ALDH1L2: variants seen among roughly 807,000 people sequenced by gnomAD.
ALDH1L2 encodes aldehyde dehydrogenase 1 family member L2.
In ALDH1L2, 91 loss-of-function variants were observed where a neutral mutation model predicts 111.0. The observed-to-expected ratio is 0.82, with a 90% CI of 0.69 to 0.98. ALDH1L2 has a LOEUF of 0.98. Ranked by LOEUF, ALDH1L2 falls within the 50% of genes least tolerant of loss-of-function variation. ALDH1L2 has a pLI of 0.00. For synonymous variants in ALDH1L2, 374 were observed against 392.6 expected, an observed-to-expected ratio of 0.95 and a Z score of 0.56; for missense variants, 995 against 1,126.8, an observed-to-expected ratio of 0.88 and a Z score of 1.67.
intron 6 of ALDH1L2, 70 bp downstream of exon 6, chr12:105,065,195 ATT>A (rs1165245575): frequency 3.3e-6 from 3 of 898,788 alleles, no homozygotes; most frequent in Non-Finnish European, 5.0e-6. Context: ...GGAAGCCCAG[ATT>A]TATCTGTAAT....
rs528651924 is a variant in ALDH1L2 at position 105,049,699 on chromosome 12, G to C, written c.1686+209C>G. ...TGACACCTTTATCTTAGACTTCCCGGCCTCCAGAACTGTAAGAGAATAAAT... is the reference window on the plus strand; with the variant it reads ...TGACACCTTTATCTTAGACTTCCCGCCCTCCAGAACTGTAAGAGAATAAAT... On this transcript the variant is annotated intron_variant, in intron 13 of 22. Transcript: ENST00000258494. 61 of 481,818 alleles carry C rather than the reference G, an allele frequency of 1.3e-4. No individual in the cohort carries two copies. The South Asian group carries it at 2.3e-3, about 18-fold the overall frequency. 29.8% of individuals were successfully genotyped at this position (481,818 alleles called of 1,614,324 possible).
chr12:105,026,309 A>G (rs1420753379), intron 22 of ALDH1L2, among the ~76,000 whole-genome samples: 1 of 152,186 alleles, frequency 6.6e-6, no homozygotes, highest in East Asian at 1.9e-4. Flanking sequence ...TTCCTTTCAA[A>G]CATTAATCTT....
rs1391872065 is a variant in ALDH1L2 at position 105,024,092 on chromosome 12, C to T, written c.*332G>A. 8.6e-6 allele frequency: 3 copies of T among 346,894 alleles called. No homozygotes were observed. Among genetic ancestry groups the T allele is most frequent in the Non-Finnish European group, 1.6e-5 (3 of 190,518 alleles). The allele number at this position is 346,894 out of a possible 1,614,324, so 21.5% of individuals were successfully genotyped here. On this transcript the variant is annotated 3_prime_UTR_variant, in exon 23 of 23. Coordinates refer to ENST00000258494, the MANE Select transcript of ALDH1L2 (RefSeq NM_001034173.4). ...TATACAAAGTTTCCAATAAATGCAC[C>T]TTGTGTATTATAACTGCATGGTACT... is the stretch of plus-strand genomic sequence containing the variant.
Position 105,072,002 on chromosome 12 carries a change from C to G in ALDH1L2, c.194-1198G>C, listed in dbSNP as rs1311727203. Reference sequence around the variant, plus strand: ...TAATCCTAGCTACTTAGGAGGATCACTTGAGCCCAGGTGTTCCAGGTTGCA... The same window carrying G: ...TAATCCTAGCTACTTAGGAGGATCAGTTGAGCCCAGGTGTTCCAGGTTGCA... On this transcript the variant is annotated intron_variant, in intron 2 of 22. Coordinates refer to ENST00000258494, the MANE Select transcript of ALDH1L2 (RefSeq NM_001034173.4). Among the ~76,000 whole-genome samples, 5 of 151,442 alleles carry G rather than the reference C, an allele frequency of 3.3e-5. No homozygotes were observed. The South Asian group carries it at 1.0e-3, about 31-fold the overall frequency.
At chr12:105,068,927 A>G (rs1272454722) in intron 3 of ALDH1L2, 43 bp from the exon 4 acceptor site, 1 of 1,413,920 alleles carries the variant, frequency 7.1e-7, no homozygotes, top group Non-Finnish European at 9.4e-7. Flanking sequence ...GGTTAACTGT[A>G]TCATAAAGTG....
chr12:105,046,151 C>T (rs1165607639), intron 15 of ALDH1L2, among the ~76,000 whole-genome samples: 1 of 17,302 alleles, frequency 5.8e-5, no homozygotes, highest in South Asian at 2.2e-3. Context: ...TCTACATCTT[C>T]TCTCTCTCTC....
intron 18 of ALDH1L2, among the ~76,000 whole-genome samples, chr12:105,035,363 G>A (rs12581542): frequency 0.23 from 34,446 of 151,654 alleles, 5,393 homozygotes; most frequent in East Asian, 0.5. Flanking sequence ...TCTCTCTGTC[G>A]CCCAGGCTGG....
chr12:105,036,812 C>T (rs938822309), intron 18 of ALDH1L2, among the ~76,000 whole-genome samples: 1 of 151,776 alleles, frequency 6.6e-6, no homozygotes, highest in East Asian at 1.9e-4. Context: ...ATGGTTAAAA[C>T]AGACTCTTTA....
In ALDH1L2 at chr12:105,082,992, G is replaced by C. The variant is rs911333479; in HGVS notation, c.48+1397C>G. On this transcript the variant is annotated intron_variant, in intron 1 of 22. Transcript: ENST00000258494. ...TCACTGCTTTTCCATATGCACCCCTGCGTACAGTTAGACCCTGATCACGCC... is the reference window on the plus strand; with the variant it reads ...TCACTGCTTTTCCATATGCACCCCTCCGTACAGTTAGACCCTGATCACGCC... 5.3e-5 allele frequency among the ~76,000 whole-genome samples: 8 copies of C among 152,298 alleles called. No individual in the cohort carries two copies. In the East Asian group the frequency reaches 1.5e-3, roughly 29 times the overall value.
chr12:105,071,889 C>T (rs978256412), intron 2 of ALDH1L2, among the ~76,000 whole-genome samples: 7 of 148,878 alleles, frequency 4.7e-5, no homozygotes, highest in Non-Finnish European at 8.9e-5. Context: ...GAGTTTGAGA[C>T]CAGCGTGGAC....
chr12:105,080,035 T>C (rs1592814864), intron 1 of ALDH1L2, among the ~76,000 whole-genome samples: 1 of 152,262 alleles, frequency 6.6e-6, no homozygotes, highest in African/African-American at 2.4e-5. Flanking sequence ...TATTTGTTCA[T>C]GTCCCTATTG....
intron 8 of ALDH1L2, 46 bp from the exon 9 acceptor site, chr12:105,061,118 A>G (rs1876971320): frequency 1.3e-6 from 2 of 1,526,896 alleles, no homozygotes; most frequent in Non-Finnish European, 1.8e-6. Context: ...ACGTAGAACA[A>G]TGTGGCAGAG....
At chr12:105,063,295 T>C (rs1421470545) in intron 6 of ALDH1L2, among the ~76,000 whole-genome samples, 1 of 151,938 alleles carries the variant, frequency 6.6e-6, no homozygotes. Context: ...GCTAACACGG[T>C]GAAACCCCGT....
intron 1 of ALDH1L2, among the ~76,000 whole-genome samples, chr12:105,079,241 T>C (rs1349420599): frequency 6.6e-6 from 1 of 152,146 alleles, no homozygotes; most frequent in Non-Finnish European, 1.5e-5. Context: ...TTGCAACCAA[T>C]TGTAACAAAC....
intron 17 of ALDH1L2, 41 bp from the exon 18 acceptor site, chr12:105,038,243 C>A (rs540401879): frequency 1.8e-5 from 6 of 336,454 alleles, no homozygotes; most frequent in East Asian, 2.8e-4. Flanking sequence ...TAGTTAACAT[C>A]TCTCTCTCTC....
chr12:105,059,715 T>C (rs1006160717), intron 9 of ALDH1L2, among the ~76,000 whole-genome samples: 1 of 152,234 alleles, frequency 6.6e-6, no homozygotes, highest in African/African-American at 2.4e-5. Context: ...GTGCTAAAAC[T>C]GTTCCTGACA....
At chr12:105,034,982 T>TAATA (rs1874906100) in intron 18 of ALDH1L2, among the ~76,000 whole-genome samples, 1 of 126,298 alleles carries the variant, frequency 7.9e-6, no homozygotes, top group Non-Finnish European at 1.6e-5. Flanking sequence ...AGATTCCATC[T>TAATA]CATAAATAAA....
In ALDH1L2 at chr12:105,021,259, G is replaced by A. The variant is rs1325231104; in HGVS notation, c.*3165C>T. The A allele has an allele frequency of 6.6e-6, 1 of 152,474 alleles. No homozygotes were observed. The highest frequency in any genetic ancestry group is 1.5e-5 in the Non-Finnish European group (1 of 68,254). The allele number at this position is 152,474 out of a possible 1,614,324, so 9.4% of individuals were successfully genotyped here. A position where few individuals can be genotyped will look rare whatever the true frequency, so the allele number is the denominator to read the frequency against. On this transcript the variant is annotated 3_prime_UTR_variant, in exon 23 of 23. Coordinates refer to ENST00000258494, the MANE Select transcript of ALDH1L2 (RefSeq NM_001034173.4). ...AAGCTTTGAACAGGACCGCAGAAGA[G>A]AGGAATCCAGAAGACCAGTTGGGAG...
At chr12:105,060,950 C>T in intron 9 of ALDH1L2, 31 bp downstream of exon 9, 2 of 1,589,626 alleles carry the variant, frequency 1.3e-6, no homozygotes, top group South Asian at 1.1e-5. Flanking sequence ...GTGAGGGAAT[C>T]CCTAGTGAGT....
Sources: allele counts gnomAD v4.1 joint callset (sites outside exome capture counted in the v4.1 genomes callset), GRCh38; gene constraint gnomAD v4.1.1; transcripts MANE v1.5; gene names NCBI Gene and HGNC (gene_info 2026-07-23, HGNC 2026-07-21).